The following PKD1L3 variants were observed in gnomAD, a reference collection of about 807,000 sequenced individuals.
PKD1L3 encodes the protein polycystin 1 like 3, transient receptor potential channel interacting, also known as polycystin-1-like protein 3.
PKD1L3 carries 239 observed loss-of-function variants against 184.1 expected under a neutral mutation model. That is an observed-to-expected ratio of 1.30 (90% CI 1.17 to 1.45). PKD1L3 has a LOEUF of 1.45. PKD1L3 is among the 40% of genes most tolerant of loss of function. PKD1L3 has a pLI of 0.00. For missense variants in PKD1L3, 2,660 were observed against 2,067.2 expected (o/e 1.29, Z -5.56); for synonymous variants, 996 against 778.8 (o/e 1.28, Z -4.64).
At chr16:71,961,852 G>A (rs1017166408) in intron 16 of PKD1L3, among the ~76,000 whole-genome samples, 1 of 152,136 alleles carries the variant, frequency 6.6e-6, no homozygotes, top group Admixed American at 6.6e-5. Flanking sequence ...TCTTAACAAA[G>A]AAATACACAT....
At chr16:71,982,512 T>C (rs990514819) in intron 6 of PKD1L3, among the ~76,000 whole-genome samples, 3 of 152,098 alleles carry the variant, frequency 2.0e-5, no homozygotes, top group African/African-American at 7.2e-5. Flanking sequence ...CTCCAACTCC[T>C]GACCTCAGGT....
intron 28 of PKD1L3, 26 bp from the exon 29 acceptor site, chr16:71,930,209 A>G (rs1242774314): frequency 3.3e-6 from 5 of 1,523,298 alleles, no homozygotes; most frequent in African/African-American, 1.4e-5. Flanking sequence ...GAACACTTGC[A>G]GTGACTGACA....
chr16:71,968,083 A>C, intron 13 of PKD1L3, 76 bp from the exon 14 acceptor site: 1 of 1,208,876 alleles, frequency 8.3e-7, no homozygotes, highest in Non-Finnish European at 1.2e-6. Flanking sequence ...GCTGAGGAGC[A>C]GGAGGATGAA....
rs35268514 is a variant in PKD1L3 at position 71,956,184 on chromosome 16, ATTTTTTT to A, written c.2613-1890_2613-1884del. Among the ~76,000 whole-genome samples the A allele has an allele frequency of 1.5e-3, 121 of 82,766 alleles. 1 individual carries two copies. Among genetic ancestry groups the A allele is most frequent in the Non-Finnish European group, 2.2e-3 (106 of 48,306 alleles). 54.3% of individuals were successfully genotyped at this position (82,766 alleles called of 152,430 possible). ...ATCATTTAGCTTTAAAAAGGAAGGA[ATTTTTTT>A]TTTTTTTTTTTTTTTTTGTGAGATG... is the stretch of plus-strand genomic sequence containing the variant. On this transcript the variant is annotated intron_variant, in intron 16 of 29. Transcript: ENST00000620267.
At chr16:71,977,557 GCT>G (rs1471054018) in intron 10 of PKD1L3, 90 bp from the exon 11 acceptor site, 3 of 671,608 alleles carry the variant, frequency 4.5e-6, no homozygotes, top group Non-Finnish European at 6.6e-6. Flanking sequence ...AAACGTCCTA[GCT>G]CTTTTTTTTT....
At chr16:71,999,585 T>C in intron 1 of PKD1L3, 99 bp downstream of exon 1, 1 of 1,207,542 alleles carries the variant, frequency 8.3e-7, no homozygotes, top group Non-Finnish European at 1.1e-6. Context: ...GGTTTTTCTG[T>C]CTACAAAAGC....
At chr16:71,955,533 G>C (rs2039011743) in intron 16 of PKD1L3, among the ~76,000 whole-genome samples, 1 of 151,972 alleles carries the variant, frequency 6.6e-6, no homozygotes, top group African/African-American at 2.4e-5. Flanking sequence ...CGTCACCCAG[G>C]TTGGAGTGGA....
rs2040076098 is a variant in PKD1L3, at chr16:71,979,775, T to C, written c.1398+11A>G. 1 of 1,485,830 alleles carries C rather than the reference T, an allele frequency of 6.7e-7. No individual in the cohort carries two copies. The highest frequency in any genetic ancestry group is 8.9e-7 in the Non-Finnish European group (1 of 1,121,532). The allele number at this position is 1,485,830 out of a possible 1,614,324, so 92.0% of individuals were successfully genotyped here. A position where few individuals can be genotyped will look rare whatever the true frequency, so the allele number is the denominator to read the frequency against. ...CATTTTCATTCTGATCACAATCAAT[T>C]TCACACTCACTTGGACATTAACTCC... On this transcript the variant is annotated intron_variant, in intron 9 of 29. Coordinates refer to ENST00000620267, the MANE Select transcript of PKD1L3 (RefSeq NM_181536.2).
rs922022465 is a variant in PKD1L3 at position 71,982,332 on chromosome 16, C to T, written c.967-97G>A. Reference sequence around the variant, plus strand: ...CAGAGTTTCACTCTTGTTGCCCAGGCTAGAGTGCAATGGCGTGATATCGAC... The same window carrying T: ...CAGAGTTTCACTCTTGTTGCCCAGGTTAGAGTGCAATGGCGTGATATCGAC... On this transcript the variant is annotated intron_variant, in intron 6 of 29. Transcript: ENST00000620267. 19 of 1,114,352 alleles carry T rather than the reference C, an allele frequency of 1.7e-5. No homozygotes were observed. The East Asian group carries it at 1.9e-4, about 11-fold the overall frequency. The allele number at this position is 1,114,352 out of a possible 1,614,324, so 69.0% of individuals were successfully genotyped here. A position where few individuals can be genotyped will look rare whatever the true frequency, so the allele number is the denominator to read the frequency against.
Position 71,950,236 on chromosome 16 carries a change from T to A in PKD1L3, c.3265A>T (p.Thr1089Ser). The change falls in exon 20 of 30, where the codon ACG (threonine) becomes TCG (serine). Residue 1089 changes from threonine (T) to serine (S), a missense_variant. Transcript: ENST00000620267. The stretch of plus-strand genomic sequence containing the variant: ...TGGTGACCCTGGGTGAGACCCAGCG[T>A]GCCTAAGTGAGATTTCAGCCTCTGC... ...VLQRLKSHLG[T>S]LGLTQGHQSC... 1 of 1,552,056 alleles carries A rather than the reference T, an allele frequency of 6.4e-7. No homozygotes were observed. The highest frequency in any genetic ancestry group is 2.4e-5 in the East Asian group (1 of 40,920).
At chr16:71,987,829 A>G (rs979650657) in intron 4 of PKD1L3, among the ~76,000 whole-genome samples, 2 of 152,044 alleles carry the variant, frequency 1.3e-5, no homozygotes, top group African/African-American at 4.8e-5. Context: ...TGAGTTGAAT[A>G]CAGGGAGAGA....
chr16:71,968,822 T>G (rs981300501), intron 13 of PKD1L3, among the ~76,000 whole-genome samples: 1 of 151,752 alleles, frequency 6.6e-6, no homozygotes, highest in African/African-American at 2.4e-5. Flanking sequence ...TCTTGAACTC[T>G]TGACCTCAAG....
At position 71,933,907 on chromosome 16, in the gene PKD1L3, G is replaced by A; in HGVS notation, c.4824+8C>T. The A allele has an allele frequency of 6.5e-7, 1 of 1,549,576 alleles. No individual in the cohort carries two copies. Among genetic ancestry groups the A allele is most frequent in the Admixed American group, 2.0e-5 (1 of 50,974 alleles). ...CGGAGAAGGAGAGACAGCAACGTGG[G>A]GGCTTACGGCAATGGCATAGCCTGT... On this transcript the variant is annotated splice_region_variant and intron_variant, in intron 27 of 29. Transcript: ENST00000620267.
intron 3 of PKD1L3, among the ~76,000 whole-genome samples, chr16:71,991,466 A>T (rs536628690): frequency 8.4e-4 from 128 of 152,356 alleles, no homozygotes; most frequent in African/African-American, 2.9e-3. Flanking sequence ...GACAAAAAAA[A>T]TACTGTAGAA....
At chr16:71,964,567 C>T (rs1207820899) in intron 15 of PKD1L3, among the ~76,000 whole-genome samples, 4 of 151,704 alleles carry the variant, frequency 2.6e-5, no homozygotes, top group African/African-American at 9.7e-5. Context: ...TCTCGATCTC[C>T]TGACCTCGTG....
At chr16:71,961,684 C>A (rs934670619) in intron 16 of PKD1L3, among the ~76,000 whole-genome samples, 1 of 152,126 alleles carries the variant, frequency 6.6e-6, no homozygotes, top group Non-Finnish European at 1.5e-5. Context: ...AGATGAGTAA[C>A]AGACCCAGCC....
chr16:71,956,184 ATTTTTTTTT>A (rs35268514), intron 16 of PKD1L3, among the ~76,000 whole-genome samples: 4 of 82,758 alleles, frequency 4.8e-5, no homozygotes, highest in Non-Finnish European at 8.3e-5. Context: ...AAAGGAAGGA[ATTTTTTTTT>A]TTTTTTTTTT....
At chr16:71,986,564 C>G in intron 4 of PKD1L3, 95 bp from the exon 5 acceptor site, 2 of 1,326,940 alleles carry the variant, frequency 1.5e-6, no homozygotes, top group Non-Finnish European at 2.0e-6. Flanking sequence ...AAACTCTGTC[C>G]TATGAGATAC....
At chr16:71,933,548 G>T in intron 27 of PKD1L3, 27 bp from the exon 28 acceptor site, 1 of 1,469,374 alleles carries the variant, frequency 6.8e-7, no homozygotes, top group Non-Finnish European at 9.3e-7. Flanking sequence ...AGGCCAGTTA[G>T]TGCAAGCCGA....
Sources: allele counts gnomAD v4.1 joint callset (sites outside exome capture counted in the v4.1 genomes callset), GRCh38; gene constraint gnomAD v4.1.1; transcripts MANE v1.5; gene names NCBI Gene and HGNC (gene_info 2026-07-23, HGNC 2026-07-21).